The following SORT1 variants were observed in gnomAD, a reference collection of about 807,000 sequenced individuals.
SORT1 encodes the protein sortilin.
A neutral mutation model predicts 101.7 loss-of-function variants in SORT1; 39 were observed. The observed-to-expected ratio is 0.38, with a 90% CI of 0.30 to 0.50. The LOEUF (loss-of-function observed/expected upper bound fraction) is 0.50. Among genes scored for constraint, SORT1 ranks in the 20% least tolerant of loss-of-function variants. SORT1 has a pLI of 0.90. For synonymous variants in SORT1, 396 were observed against 393.7 expected, an observed-to-expected ratio of 1.01 and a Z score of -0.07; for missense variants, 878 against 1,040.4, an observed-to-expected ratio of 0.84 and a Z score of 2.15.
rs1387230354 is a variant in SORT1, at chr1:109,312,870, T to C, written c.*1173A>G. On this transcript the variant is annotated 3_prime_UTR_variant, in exon 20 of 20. Coordinates refer to ENST00000256637, the MANE Select transcript of SORT1 (RefSeq NM_002959.7). ...TCTAGACTGGAAGTGTGTTTTCAATTGGTTCCTCCAAAATTTTCGTGTCAA... is the reference window on the plus strand; with the variant it reads ...TCTAGACTGGAAGTGTGTTTTCAATCGGTTCCTCCAAAATTTTCGTGTCAA... 6.6e-6 allele frequency: 1 copy of C among 152,192 alleles called. No individual in the cohort carries two copies. The highest frequency in any genetic ancestry group is 1.5e-5 in the Non-Finnish European group (1 of 68,034). The allele number at this position is 152,192 out of a possible 1,614,324, so 9.4% of individuals were successfully genotyped here.
rs141383552 is a variant in SORT1, at chr1:109,388,955, T to C, written c.306+8632A>G. On this transcript the variant is annotated intron_variant, in intron 1 of 19. Coordinates refer to ENST00000256637, the MANE Select transcript of SORT1 (RefSeq NM_002959.7). ...AGGCTTAAAAAAAGAAGAAAACCAC[T>C]ACATACACGTCTTACATTTCTGCCA... Among the ~76,000 whole-genome samples, 12 of 152,306 alleles carry C rather than the reference T, an allele frequency of 7.9e-5. No individual in the cohort carries two copies. The East Asian group carries it at 2.3e-3, about 29-fold the overall frequency.
intron 11 of SORT1, among the ~76,000 whole-genome samples, chr1:109,329,457 G>A (rs1648306563): frequency 6.6e-6 from 1 of 152,176 alleles, no homozygotes; most frequent in Admixed American, 6.5e-5. Context: ...GTTTCACCAT[G>A]TTAGTGAGGA....
chr1:109,346,264 G>A lies in SORT1; in HGVS notation c.833-383C>T, dbSNP rs921330369. On this transcript the variant is annotated intron_variant, in intron 7 of 19. Coordinates refer to ENST00000256637, the MANE Select transcript of SORT1 (RefSeq NM_002959.7). ...GGATGCAGAGTTTTCAGTGGGCAGA[G>A]ATCGCGCCACTGTGCTCCAGCCTGT... Among the ~76,000 whole-genome samples the A allele has an allele frequency of 1.1e-4, 16 of 149,156 alleles. No individual in the cohort carries two copies. In the East Asian group the frequency reaches 2.4e-3, roughly 22 times the overall value.
At chr1:109,362,273 T>C (rs988828941) in intron 3 of SORT1, among the ~76,000 whole-genome samples, 16 of 152,300 alleles carry the variant, frequency 1.1e-4, no homozygotes, top group Non-Finnish European at 2.1e-4. Context: ...AACCTAACCC[T>C]ATATGTCCCC....
intron 1 of SORT1, chr1:109,393,075 C>A: frequency 3.0e-6 from 3 of 985,392 alleles, no homozygotes; most frequent in Non-Finnish European, 3.6e-6. Context: ...CAACAACAGG[C>A]CGAGGTCTTC....
In SORT1 at chr1:109,313,201, T is replaced by A. The variant is rs1307096714; in HGVS notation, c.*842A>T. 6.6e-6 allele frequency: 1 copy of A among 152,584 alleles called. No individual in the cohort carries two copies. The highest frequency in any genetic ancestry group is 6.5e-5 in the Admixed American group (1 of 15,290). The allele number at this position is 152,584 out of a possible 1,614,324, so 9.5% of individuals were successfully genotyped here. A position where few individuals can be genotyped will look rare whatever the true frequency, so the allele number is the denominator to read the frequency against. Reference sequence around the variant, plus strand: ...TTCCAGCTAAGTTTGTACCCTGTCCTTGCGTAAGTCTACTGGCACACACAC... The same window carrying A: ...TTCCAGCTAAGTTTGTACCCTGTCCATGCGTAAGTCTACTGGCACACACAC... On this transcript the variant is annotated 3_prime_UTR_variant, in exon 20 of 20. Transcript: ENST00000256637.
chr1:109,374,834 C>G (rs1226882056), intron 1 of SORT1, among the ~76,000 whole-genome samples: 10 of 152,170 alleles, frequency 6.6e-5, no homozygotes, highest in African/African-American at 2.4e-4. Flanking sequence ...TGACATACAC[C>G]TGTAGTCCCA....
Position 109,314,304 on chromosome 1 carries a change from G to T in SORT1, c.2438C>A (p.Ala813Asp). Reference sequence around the variant, plus strand: ...ATAACCACTTTTATTAGTGTGGGAGGCTGTGTCCAAAGCATCCACACCATC... The same window carrying T: ...ATAACCACTTTTATTAGTGTGGGAGTCTGTGTCCAAAGCATCCACACCATC... ...GVDGVDALDT[A>D]SHTNKSGYHD... The change falls in exon 19 of 20, where the codon GCC becomes GAC. Residue 813 changes from alanine to aspartate, a missense_variant. Transcript: ENST00000256637. 6.2e-7 allele frequency: 1 copy of T among 1,613,958 alleles called. No individual in the cohort carries two copies. The highest frequency in any genetic ancestry group is 8.5e-7 in the Non-Finnish European group (1 of 1,179,974).
At chr1:109,354,346 A>G in intron 5 of SORT1, 21 bp downstream of exon 5, 1 of 1,600,962 alleles carries the variant, frequency 6.2e-7, no homozygotes, top group Non-Finnish European at 8.5e-7. Flanking sequence ...AAGGCAAACC[A>G]TGTTCCTCAA....
intron 3 of SORT1, among the ~76,000 whole-genome samples, chr1:109,360,396 G>T (rs546235974): frequency 1.3e-5 from 2 of 152,188 alleles, no homozygotes; most frequent in South Asian, 4.1e-4. Context: ...GCAATGATGA[G>T]ATCATAGCTC....
chr1:109,394,007 C>T (rs186814417), intron 1 of SORT1, among the ~76,000 whole-genome samples: 1 of 152,086 alleles, frequency 6.6e-6, no homozygotes, highest in Admixed American at 6.6e-5. Context: ...ACACAGAAAA[C>T]TTAAGTAACT....
intron 1 of SORT1, among the ~76,000 whole-genome samples, chr1:109,370,486 A>G (rs1651421951): frequency 6.6e-6 from 1 of 152,198 alleles, no homozygotes; most frequent in South Asian, 2.1e-4. Context: ...CAAAGAGGTA[A>G]TAACTGCACT....
At chr1:109,349,898 C>T (rs942499451) in intron 6 of SORT1, among the ~76,000 whole-genome samples, 2 of 152,178 alleles carry the variant, frequency 1.3e-5, no homozygotes, top group African/African-American at 2.4e-5. Flanking sequence ...GTACAGGAAA[C>T]TCTTGGGATT....
chr1:109,314,434 C>T, intron 18 of SORT1, 50 bp from the exon 19 acceptor site: 4 of 1,602,854 alleles, frequency 2.5e-6, no homozygotes, highest in Non-Finnish European at 3.4e-6. Flanking sequence ...CAGGGGTGCA[C>T]TTCTTACAGG....
intron 1 of SORT1, among the ~76,000 whole-genome samples, chr1:109,375,436 G>C (rs1004754473): frequency 6.6e-6 from 1 of 150,718 alleles, no homozygotes; most frequent in African/African-American, 2.4e-5. Flanking sequence ...CCAGCTACGC[G>C]GGAGGCTGAG....
chr1:109,363,973 G>A (rs1432473407), intron 3 of SORT1, among the ~76,000 whole-genome samples: 1 of 152,168 alleles, frequency 6.6e-6, no homozygotes, highest in Non-Finnish European at 1.5e-5. Flanking sequence ...AGGCAACAAG[G>A]CATATTTACA....
intron 15 of SORT1, among the ~76,000 whole-genome samples, chr1:109,322,412 C>T (rs1466240762): frequency 6.6e-6 from 1 of 152,158 alleles, no homozygotes; most frequent in Non-Finnish European, 1.5e-5. Context: ...GCTGGTTCTG[C>T]CCAATAATTA....
chr1:109,381,153 T>C (rs1018384733), intron 1 of SORT1, among the ~76,000 whole-genome samples: 37 of 152,150 alleles, frequency 2.4e-4, no homozygotes, highest in Admixed American at 2.0e-4. Flanking sequence ...GCAAATCCTA[T>C]TCTTAGGAAT....
chr1:109,392,591 C>T lies in SORT1; in HGVS notation c.306+4996G>A. 2 of 984,778 alleles carry T rather than the reference C, an allele frequency of 2.0e-6. 1 individual carries two copies. The highest frequency in any genetic ancestry group is 9.4e-5 in the South Asian group (2 of 21,282). The allele number at this position is 984,778 out of a possible 1,614,324, so 61.0% of individuals were successfully genotyped here. ...ACATTTGAGTCAGCAGAGAACTTAC[C>T]TAATTGTTAACACTGCATTCCCTTG... is the stretch of plus-strand genomic sequence containing the variant. On this transcript the variant is annotated intron_variant, in intron 1 of 19. Transcript: ENST00000256637.
Sources: gnomAD v4.1 joint callset for allele counts (sites outside exome capture counted in the v4.1 genomes callset) on GRCh38, gnomAD v4.1.1 for gene constraint, MANE v1.5 for transcripts, NCBI Gene and HGNC (gene_info 2026-07-23, HGNC 2026-07-21) for gene names.